ANXA10: variants seen among roughly 807,000 people sequenced by gnomAD.
ANXA10 encodes the protein annexin A10.
Under a neutral mutation model 53.5 loss-of-function variants are expected in ANXA10, and 49 were observed. The observed-to-expected ratio is 0.92, with a 90% CI of 0.73 to 1.16. The LOEUF (loss-of-function observed/expected upper bound fraction) is 1.16, where lower values mean the gene tolerates loss of function less well. Ranked by LOEUF, ANXA10 falls within the 50% of genes most tolerant of loss-of-function variation. The pLI is 0.00. For synonymous variants in ANXA10, 131 were observed against 128.9 expected, an observed-to-expected ratio of 1.02 and a Z score of -0.11; for missense variants, 393 against 394.4, an observed-to-expected ratio of 1.00 and a Z score of 0.03.
At position 168,153,194 on chromosome 4, in the gene ANXA10, G is replaced by A. The variant is rs751800415; in HGVS notation, c.196-9334G>A. On this transcript the variant is annotated intron_variant, in intron 3 of 11. Coordinates refer to ENST00000359299, the MANE Select transcript of ANXA10 (RefSeq NM_007193.5). ...GGTGGCCTGGGTAAAGATCGTAGCA[G>A]TAAAAGTAGTAACAGTTCATCAGTT... Among the ~76,000 whole-genome samples, 42 of 152,078 alleles carry A rather than the reference G, an allele frequency of 2.8e-4. 1 individual carries two copies. The highest frequency in any genetic ancestry group is 8.5e-4 in the Admixed American group (13 of 15,268).
chr4:168,141,525 T>C (rs1230860069), intron 3 of ANXA10, among the ~76,000 whole-genome samples: 1 of 152,212 alleles, frequency 6.6e-6, no homozygotes, highest in African/African-American at 2.4e-5. Flanking sequence ...TGAGTGTTTA[T>C]CTTGTTTCTC....
At chr4:168,128,319 A>C (rs1731105978) in intron 2 of ANXA10, among the ~76,000 whole-genome samples, 154 bp downstream of exon 2, 1 of 151,786 alleles carries the variant, frequency 6.6e-6, no homozygotes. Flanking sequence ...AAGTAGAATG[A>C]GAAGAAAAAT....
chr4:168,138,744 T>C (rs951119901), intron 2 of ANXA10, among the ~76,000 whole-genome samples: 1 of 152,236 alleles, frequency 6.6e-6, no homozygotes, highest in African/African-American at 2.4e-5. Context: ...AATTTTCCAT[T>C]TGTTTGTGCT....
intron 1 of ANXA10, among the ~76,000 whole-genome samples, chr4:168,121,805 TTTTG>T (rs1730989943): frequency 6.6e-6 from 1 of 152,100 alleles, no homozygotes; most frequent in South Asian, 2.1e-4. Flanking sequence ...TTTTCAGCTT[TTTTG>T]TTTGTTTGGT....
At chr4:168,181,039 C>A (rs769997693) in intron 9 of ANXA10, among the ~76,000 whole-genome samples, 2 of 152,210 alleles carry the variant, frequency 1.3e-5, no homozygotes, top group Middle Eastern at 3.4e-3. Flanking sequence ...GGAGCTATAT[C>A]AAATTCAATC....
intron 6 of ANXA10, among the ~76,000 whole-genome samples, chr4:168,174,177 C>G (rs1050055471): frequency 6.6e-6 from 1 of 152,146 alleles, no homozygotes; most frequent in Non-Finnish European, 1.5e-5. Flanking sequence ...GTGAATAGAG[C>G]TGTAGCCCTG....
At chr4:168,113,735 A>G (rs1730847117) in intron 1 of ANXA10, among the ~76,000 whole-genome samples, 1 of 152,242 alleles carries the variant, frequency 6.6e-6, no homozygotes. Context: ...ACAGGGTAAT[A>G]TAAATTATTT....
intron 11 of ANXA10, among the ~76,000 whole-genome samples, chr4:168,185,956 A>C (rs1423245809): frequency 1.3e-5 from 2 of 152,206 alleles, no homozygotes; most frequent in East Asian, 3.9e-4. Flanking sequence ...AGTTAAGAGA[A>C]ATCTTATTCC....
chr4:168,179,871 C>T (rs1248227823), intron 9 of ANXA10, among the ~76,000 whole-genome samples: 1 of 152,098 alleles, frequency 6.6e-6, no homozygotes, highest in Non-Finnish European at 1.5e-5. Flanking sequence ...CAAAACGGGG[C>T]GAGTTATCCA....
At chr4:168,154,208 T>A (rs1400970491) in intron 3 of ANXA10, among the ~76,000 whole-genome samples, 1 of 152,216 alleles carries the variant, frequency 6.6e-6, no homozygotes, top group Non-Finnish European at 1.5e-5. Flanking sequence ...TTTGCAATGC[T>A]TGCATAGTCT....
intron 2 of ANXA10, among the ~76,000 whole-genome samples, chr4:168,128,616 G>C (rs1262615290): frequency 6.6e-6 from 1 of 152,006 alleles, no homozygotes; most frequent in African/African-American, 2.4e-5. Context: ...TCACTTCTCT[G>C]CCTGGAATGT....
At position 168,139,367 on chromosome 4, in the gene ANXA10, C is replaced by T. The variant is rs1731289624; in HGVS notation, c.101-119C>T. ...TTTCCAATTTTAGTTAAAATTGTTC[C>T]CTGCTGTAAAATACCATCAGGGATA... is the stretch of plus-strand genomic sequence containing the variant. On this transcript the variant is annotated intron_variant, in intron 2 of 11. Coordinates refer to ENST00000359299, the MANE Select transcript of ANXA10 (RefSeq NM_007193.5). 6.0e-6 allele frequency: 4 copies of T among 666,184 alleles called. 1 individual carries two copies. Among genetic ancestry groups the T allele is most frequent in the South Asian group, 5.6e-5 (2 of 35,582 alleles). 41.3% of individuals were successfully genotyped at this position (666,184 alleles called of 1,614,324 possible). A position where few individuals can be genotyped will look rare whatever the true frequency, so the allele number is the denominator to read the frequency against.
chr4:168,141,153 A>G (rs1397996812), intron 3 of ANXA10, among the ~76,000 whole-genome samples: 1 of 152,212 alleles, frequency 6.6e-6, no homozygotes, highest in African/African-American at 2.4e-5. Flanking sequence ...ATAAAGTCTC[A>G]GAGTTTGTTA....
chr4:168,158,640 G>A (rs1426582160), intron 3 of ANXA10, among the ~76,000 whole-genome samples: 2 of 152,076 alleles, frequency 1.3e-5, no homozygotes, highest in Non-Finnish European at 2.9e-5. Context: ...CAATCTTAGA[G>A]GATAAGCATT....
chr4:168,117,454 T>C (rs1730912551), intron 1 of ANXA10, among the ~76,000 whole-genome samples: 1 of 152,208 alleles, frequency 6.6e-6, no homozygotes, highest in African/African-American at 2.4e-5. Context: ...TGGTTTCTTA[T>C]AACACTCTTT....
Position 168,128,068 on chromosome 4 carries a change from T to C in ANXA10, c.19-16T>C, listed in dbSNP as rs1579212716. 1.2e-6 allele frequency: 2 copies of C among 1,601,034 alleles called. No homozygotes were observed. Among genetic ancestry groups the C allele is most frequent in the African/African-American group, 1.3e-5 (1 of 74,628 alleles). ...ATGAATTATTACAATCACTTTCTCA[T>C]TGATTTTCCCACCAGGTGCAAGGAA... On this transcript the variant is annotated splice_polypyrimidine_tract_variant and intron_variant, in intron 1 of 11. Transcript: ENST00000359299.
intron 2 of ANXA10, among the ~76,000 whole-genome samples, chr4:168,137,609 A>T (rs1454407045): frequency 1.3e-5 from 2 of 152,176 alleles, no homozygotes; most frequent in Non-Finnish European, 2.9e-5. Flanking sequence ...ACAAGATTTC[A>T]TTCTTTTTTA....
chr4:168,138,808 TC>T (rs1731280577), intron 2 of ANXA10, among the ~76,000 whole-genome samples: 1 of 152,232 alleles, frequency 6.6e-6, no homozygotes, highest in Non-Finnish European at 1.5e-5. Context: ...ATCTTTCACT[TC>T]CTTGGTTAAA....
At chr4:168,165,381 G>C in intron 6 of ANXA10, 55 bp downstream of exon 6, 1 of 633,096 alleles carries the variant, frequency 1.6e-6, no homozygotes, top group East Asian at 4.0e-5. Context: ...ATAAGTATAT[G>C]TCATTGCCAA....
Sources: gnomAD v4.1 joint callset for allele counts (sites outside exome capture counted in the v4.1 genomes callset) on GRCh38, gnomAD v4.1.1 for gene constraint, MANE v1.5 for transcripts, NCBI Gene and HGNC (gene_info 2026-07-23, HGNC 2026-07-21) for gene names.